USP34: variants seen among roughly 807,000 people sequenced by gnomAD.
USP34 encodes ubiquitin specific peptidase 34.
In USP34, 70 loss-of-function variants were observed where a neutral mutation model predicts 460.3. The ratio of observed to expected loss-of-function variants is 0.15; its 90% CI spans 0.13 to 0.19. The LOEUF (loss-of-function observed/expected upper bound fraction) is 0.19, where lower values mean the gene tolerates loss of function less well. Among genes scored for constraint, USP34 ranks in the 10% least tolerant of loss-of-function variants. USP34 has a pLI of 1.00. For synonymous variants in USP34, 1,647 were observed against 1,405.3 expected, an observed-to-expected ratio of 1.17 and a Z score of -3.85; for missense variants, 3,985 against 4,236.2, an observed-to-expected ratio of 0.94 and a Z score of 1.65.
chr2:61,412,902 AAAGAG>A (rs1694081426), intron 2 of USP34, among the ~76,000 whole-genome samples: 2 of 151,666 alleles, frequency 1.3e-5, no homozygotes, highest in African/African-American at 4.8e-5. Flanking sequence ...AAAAAAAAAA[AAAGAG>A]AGAATATGAA....
At chr2:61,207,094 TTG>T in intron 70 of USP34, 2 of 490,818 alleles carry the variant, frequency 4.1e-6, no homozygotes, top group Admixed American at 3.8e-5. Context: ...CTCTGCTATT[TTG>T]TGTGTATATT....
intron 5 of USP34, among the ~76,000 whole-genome samples, chr2:61,387,640 A>C (rs1165360410): frequency 6.8e-6 from 1 of 146,996 alleles, no homozygotes; most frequent in Non-Finnish European, 1.5e-5. Context: ...ATACACACAT[A>C]TATAAAAATA....
At chr2:61,351,752 G>A (rs970635292) in intron 10 of USP34, among the ~76,000 whole-genome samples, 2 of 151,986 alleles carry the variant, frequency 1.3e-5, no homozygotes, top group African/African-American at 4.8e-5. Flanking sequence ...ACATAATACT[G>A]CAGGAATTCT....
rs1695160354 is a variant in USP34 at position 61,447,750 on chromosome 2, C to G, written c.43+22900G>C. Among the ~76,000 whole-genome samples, 3 of 152,130 alleles carry G rather than the reference C, an allele frequency of 2.0e-5. No homozygotes were observed. The South Asian group carries it at 6.2e-4, about 31-fold the overall frequency. On this transcript the variant is annotated intron_variant, in intron 1 of 79. Coordinates refer to ENST00000398571, the MANE Select transcript of USP34 (RefSeq NM_014709.4). ...TTTATTTATTTGAGACAGTCTCACT[C>G]TGTCGCCTAGGCTGGAGTGCAGTGG...
At chr2:61,288,473 T>C (rs1271400843) in intron 34 of USP34, among the ~76,000 whole-genome samples, 1 of 152,350 alleles carries the variant, frequency 6.6e-6, no homozygotes, top group Admixed American at 6.5e-5. Context: ...GATATTAAAA[T>C]GGCACGACTC....
Position 61,248,622 on chromosome 2 carries a change from T to C in USP34, c.6283A>G (p.Met2095Val). ...SFNTMRYTFN[M>V]VTMMKEKVNT... The stretch of plus-strand genomic sequence containing the variant: ...ACTTTCTCTTTCATCATCGTGACCA[T>C]ATTAAATGTGTATCTCATAGTATTG... The change falls in exon 49 of 80, where the codon ATG becomes GTG. Residue 2095 changes from methionine to valine, a missense_variant. This residue lies in a region of USP34 where 145 missense variants were observed against 291.6 expected (regional missense o/e 0.50). Transcript: ENST00000398571. 6.2e-7 allele frequency: 1 copy of C among 1,608,354 alleles called. No individual in the cohort carries two copies. The highest frequency in any genetic ancestry group is 1.1e-5 in the South Asian group (1 of 90,110).
intron 1 of USP34, among the ~76,000 whole-genome samples, chr2:61,466,141 C>T (rs1171768258): frequency 6.6e-6 from 1 of 151,828 alleles, no homozygotes; most frequent in African/African-American, 2.4e-5. Context: ...ATATATGATA[C>T]AAGCCGGGCA....
intron 43 of USP34, among the ~76,000 whole-genome samples, chr2:61,262,826 TACA>T (rs1163921671): frequency 1.3e-5 from 2 of 152,232 alleles, no homozygotes; most frequent in Non-Finnish European, 2.9e-5. Flanking sequence ...CCCTTTTCTT[TACA>T]ACATCGCCAG....
At chr2:61,413,306 G>T (rs1694097220) in intron 2 of USP34, among the ~76,000 whole-genome samples, 2 of 152,088 alleles carry the variant, frequency 1.3e-5, no homozygotes, top group Non-Finnish European at 2.9e-5. Context: ...AGGCAGAATT[G>T]CCTGAACCTG....
At chr2:61,319,829 G>T (rs1002040099) in intron 21 of USP34, among the ~76,000 whole-genome samples, 1 of 152,026 alleles carries the variant, frequency 6.6e-6, no homozygotes, top group African/African-American at 2.4e-5. Context: ...GGGCAACAGC[G>T]CGAGATTCCA....
Position 61,189,026 on chromosome 2 carries a change from T to C in USP34, c.9917A>G (p.Lys3306Arg), listed in dbSNP as rs1398791368. The change falls in exon 79 of 80, where the codon AAA becomes AGA. Residue 3306 changes from lysine to arginine, a missense_variant. Physicochemically the swap from Lys to Arg is conservative, Grantham distance 26 (BLOSUM62 2). This residue lies in a region of USP34 where 506 missense variants were observed against 439.0 expected (regional missense o/e 1.15). Coordinates refer to ENST00000398571, the MANE Select transcript of USP34 (RefSeq NM_014709.4). The part of the protein sequence containing the change: ...LALLLSVHTP[K>R]QLNPALIPTL... ...TGGAATTAGAGCTGGGTTTAACTGT[T>C]TGGGAGTGTGTACTGACAGGAGCAA... 1 of 1,614,106 alleles carries C rather than the reference T, an allele frequency of 6.2e-7. No homozygotes were observed. Among genetic ancestry groups the C allele is most frequent in the African/African-American group, 1.3e-5 (1 of 74,936 alleles).
At chr2:61,367,112 G>A (rs1692464554) in intron 10 of USP34, among the ~76,000 whole-genome samples, 1 of 152,094 alleles carries the variant, frequency 6.6e-6, no homozygotes, top group African/African-American at 2.4e-5. Context: ...TGTAACAGAG[G>A]AAGAAATAAT....
chr2:61,232,869 C>CCA (rs1687952643), intron 57 of USP34, among the ~76,000 whole-genome samples: 1 of 113,880 alleles, frequency 8.8e-6, no homozygotes, highest in Non-Finnish European at 1.8e-5. Context: ...TTCCCCCCCC[C>CCA]CTTTTTTTTT....
chr2:61,384,598 A>T (rs1267708202), intron 5 of USP34, among the ~76,000 whole-genome samples: 1 of 152,126 alleles, frequency 6.6e-6, no homozygotes, highest in Admixed American at 6.5e-5. Context: ...GCTTGAACCC[A>T]GGAGGTGGAA....
chr2:61,383,638 G>T (rs899192007), intron 5 of USP34, among the ~76,000 whole-genome samples: 4 of 152,224 alleles, frequency 2.6e-5, no homozygotes, highest in Admixed American at 1.3e-4. Flanking sequence ...CCACCCCCGG[G>T]GGGGGCGGGG....
At chr2:61,293,243 TTAGAG>T (rs1268569637) in intron 33 of USP34, among the ~76,000 whole-genome samples, 58 of 152,232 alleles carry the variant, frequency 3.8e-4, no homozygotes, top group African/African-American at 1.3e-3. Flanking sequence ...TGGCCAGAGT[TTAGAG>T]TAATTAATTT....
intron 75 of USP34, among the ~76,000 whole-genome samples, chr2:61,197,772 G>A (rs775681968): frequency 1.6e-4 from 24 of 151,668 alleles, no homozygotes; most frequent in Middle Eastern, 3.5e-3. Context: ...TTCTATTTTG[G>A]TGGGGGGAAC....
intron 19 of USP34, among the ~76,000 whole-genome samples, chr2:61,331,897 C>A (rs1241368564): frequency 6.6e-6 from 1 of 151,990 alleles, no homozygotes; most frequent in African/African-American, 2.4e-5. Flanking sequence ...GGGTCCATAA[C>A]TTCCATAATT....
intron 1 of USP34, among the ~76,000 whole-genome samples, chr2:61,449,850 G>A (rs944094035): frequency 1.4e-4 from 21 of 152,036 alleles, no homozygotes; most frequent in Admixed American, 6.6e-4. Context: ...GGTGGATCAC[G>A]AAGTCAGGAG....
Sources: allele counts gnomAD v4.1 joint callset (sites outside exome capture counted in the v4.1 genomes callset), GRCh38; gene constraint gnomAD v4.1.1; regional missense constraint gnomAD v4.1.1; transcripts MANE v1.5; gene names NCBI Gene and HGNC (gene_info 2026-07-23, HGNC 2026-07-21).